The following MYT1L variants were observed in gnomAD, a reference collection of about 807,000 sequenced individuals.
The protein encoded by MYT1L is myelin transcription factor 1-like protein.
MYT1L carries 12 observed loss-of-function variants against 126.7 expected under a neutral mutation model. That is an observed-to-expected ratio of 0.09 (90% CI 0.06 to 0.15). The LOEUF is 0.15. Among genes scored for constraint, MYT1L ranks in the 10% least tolerant of loss-of-function variants. MYT1L has a pLI of 1.00. For synonymous variants in MYT1L, 541 were observed against 604.2 expected (o/e 0.90, Z 1.53); for missense variants, 979 against 1,585.2 (o/e 0.62, Z 6.49).
intron 4 of MYT1L, among the ~76,000 whole-genome samples, chr2:2,011,569 C>T (rs988973496): frequency 6.6e-6 from 1 of 151,730 alleles, no homozygotes; most frequent in Non-Finnish European, 1.5e-5. Flanking sequence ...GTTGCAAATA[C>T]ACCACCACAA....
chr2:1,899,210 C>G (rs377145484), intron 14 of MYT1L, among the ~76,000 whole-genome samples: 2 of 152,170 alleles, frequency 1.3e-5, no homozygotes, highest in Admixed American at 1.3e-4. Context: ...GGGAACTGCG[C>G]GATTGTTTTT....
At chr2:1,866,344 A>C (rs1478174591) in intron 18 of MYT1L, among the ~76,000 whole-genome samples, 4 of 151,994 alleles carry the variant, frequency 2.6e-5, no homozygotes, top group African/African-American at 9.7e-5. Flanking sequence ...CACAGCTTCC[A>C]TAGGTGTGGA....
intron 2 of MYT1L, among the ~76,000 whole-genome samples, chr2:2,281,365 T>A (rs2095444072): frequency 6.6e-6 from 1 of 152,232 alleles, no homozygotes; most frequent in Non-Finnish European, 1.5e-5. Context: ...CTAGTACACG[T>A]GGCATGACTT....
intron 3 of MYT1L, among the ~76,000 whole-genome samples, chr2:2,078,776 G>A (rs892195646): frequency 6.6e-6 from 1 of 152,154 alleles, no homozygotes; most frequent in Non-Finnish European, 1.5e-5. Context: ...AAAGCTATCA[G>A]AACTAACAAA....
rs144513938 is a variant in MYT1L at position 1,804,447 on chromosome 2, C to T, written c.3173-2648G>A. 2.3e-3 allele frequency among the ~76,000 whole-genome samples: 351 copies of T among 152,252 alleles called. 2 individuals carry two copies. Among genetic ancestry groups the T allele is most frequent in the African/African-American group, 6.4e-3 (266 of 41,558 alleles). On this transcript the variant is annotated intron_variant, in intron 22 of 24. Transcript: ENST00000647738. ...ACAACTAGGGTTTTATAATACATTC[C>T]ACCAGTTGGCCTGCAAGCTGTCAGG...
At chr2:2,126,742 G>A (rs768446825) in intron 3 of MYT1L, among the ~76,000 whole-genome samples, 1 of 152,218 alleles carries the variant, frequency 6.6e-6, no homozygotes, top group Non-Finnish European at 1.5e-5. Flanking sequence ...CCACAGAAGT[G>A]CCCCAAGTGC....
intron 8 of MYT1L, among the ~76,000 whole-genome samples, chr2:1,944,237 C>T (rs1453565755): frequency 6.6e-6 from 1 of 152,080 alleles, no homozygotes; most frequent in East Asian, 1.9e-4. Context: ...CCCGCTTCCC[C>T]GACCCCACGA....
chr2:2,064,771 C>G (rs918179584), intron 3 of MYT1L, among the ~76,000 whole-genome samples: 4 of 151,980 alleles, frequency 2.6e-5, no homozygotes, highest in Admixed American at 6.6e-5. Flanking sequence ...AAATACATTT[C>G]AGAAAAGCTT....
chr2:2,322,651 G>A (rs954650732), intron 1 of MYT1L, among the ~76,000 whole-genome samples: 5 of 151,504 alleles, frequency 3.3e-5, no homozygotes, highest in Non-Finnish European at 2.9e-5. Flanking sequence ...GGCACAAAGA[G>A]CATCGTGGAG....
At chr2:2,178,519 CAGA>C (rs767398897) in intron 2 of MYT1L, among the ~76,000 whole-genome samples, 24 of 152,316 alleles carry the variant, frequency 1.6e-4, no homozygotes, top group South Asian at 1.0e-3. Flanking sequence ...TGTCAGAACA[CAGA>C]AGGTTGTCTG....
chr2:2,077,633 A>C (rs1030031115), intron 3 of MYT1L, among the ~76,000 whole-genome samples: 1 of 152,200 alleles, frequency 6.6e-6, no homozygotes, highest in African/African-American at 2.4e-5. Context: ...TAAAATTACT[A>C]CTTGACTTTT....
chr2:1,812,671 T>C (rs979720039), intron 21 of MYT1L, among the ~76,000 whole-genome samples: 2 of 151,734 alleles, frequency 1.3e-5, no homozygotes, highest in Admixed American at 6.6e-5. Flanking sequence ...AGGTCAGGAG[T>C]TCCAGACCAG....
At chr2:1,810,398 C>T (rs1013086425) in intron 21 of MYT1L, among the ~76,000 whole-genome samples, 1 of 152,090 alleles carries the variant, frequency 6.6e-6, no homozygotes, top group Non-Finnish European at 1.5e-5. Flanking sequence ...CCTTGGCCTC[C>T]CAAAGTGCTA....
At chr2:2,328,592 T>A (rs1322965009) in intron 1 of MYT1L, among the ~76,000 whole-genome samples, 1 of 152,226 alleles carries the variant, frequency 6.6e-6, no homozygotes, top group East Asian at 1.9e-4. Flanking sequence ...GATGCAAGTT[T>A]AACTCAAGAG....
At chr2:2,208,876 C>G (rs920059167) in intron 2 of MYT1L, among the ~76,000 whole-genome samples, 1 of 152,164 alleles carries the variant, frequency 6.6e-6, no homozygotes, top group Non-Finnish European at 1.5e-5. Flanking sequence ...ATAACTAGAT[C>G]ATGATACTTA....
intron 14 of MYT1L, among the ~76,000 whole-genome samples, chr2:1,897,891 G>A (rs1358505949): frequency 1.3e-5 from 2 of 152,164 alleles, no homozygotes; most frequent in African/African-American, 2.4e-5. Context: ...AGATGCCAGA[G>A]CTGCCTTCAA....
At chr2:1,891,844 G>A (rs532745890) in intron 15 of MYT1L, among the ~76,000 whole-genome samples, 193 bp downstream of exon 15, 1 of 152,278 alleles carries the variant, frequency 6.6e-6, no homozygotes, top group East Asian at 1.9e-4. Flanking sequence ...AAATGGATGC[G>A]CTTTGGACAA....
At chr2:1,921,890 C>A (rs2053610961) in intron 10 of MYT1L, among the ~76,000 whole-genome samples, 1 of 152,100 alleles carries the variant, frequency 6.6e-6, no homozygotes, top group Non-Finnish European at 1.5e-5. Flanking sequence ...AAAATGTGTG[C>A]TTTATCTCGG....
At chr2:2,294,134 C>T (rs1458981573) in intron 1 of MYT1L, among the ~76,000 whole-genome samples, 1 of 152,072 alleles carries the variant, frequency 6.6e-6, no homozygotes, top group African/African-American at 2.4e-5. Flanking sequence ...CAGCTCAGAC[C>T]CTGAGGAATG....
Sources: gnomAD v4.1 joint callset for allele counts (sites outside exome capture counted in the v4.1 genomes callset) on GRCh38, gnomAD v4.1.1 for gene constraint, MANE v1.5 for transcripts, NCBI Gene and HGNC (gene_info 2026-07-23, HGNC 2026-07-21) for gene names.